SIGLEC7: variants seen among roughly 807,000 people sequenced by gnomAD.
SIGLEC7 encodes the protein sialic acid-binding Ig-like lectin 7.
SIGLEC7 carries 33 observed loss-of-function variants against 40.8 expected under a neutral mutation model. The observed-to-expected ratio is 0.81, with a 90% CI of 0.61 to 1.08. The LOEUF is 1.08. SIGLEC7 is among the 50% of genes least tolerant of loss of function. SIGLEC7 has a pLI of 0.00. For missense variants in SIGLEC7, 513 were observed against 576.1 expected (o/e 0.89, Z 1.12); for synonymous variants, 242 against 237.6 (o/e 1.02, Z -0.17).
intron 6 of SIGLEC7, 196 bp from the exon 7 acceptor site, chr19:51,152,867 G>T: frequency 2.3e-6 from 1 of 428,280 alleles, no homozygotes; most frequent in Non-Finnish European, 4.1e-6. Context: ...CTCAATAAGT[G>T]TTAAATATTG....
chr19:51,150,362 C>A (rs778391281), intron 6 of SIGLEC7, among the ~76,000 whole-genome samples: 1 of 152,260 alleles, frequency 6.6e-6, no homozygotes, highest in Non-Finnish European at 1.5e-5. Flanking sequence ...CGAAGCGATG[C>A]TGAATTTTAT....
rs1438818828 is a variant in SIGLEC7, at chr19:51,144,638, T to C, written c.666T>C (p.Pro222=). The C allele has an allele frequency of 7.4e-6, 12 of 1,613,830 alleles. No individual in the cohort carries two copies. Among genetic ancestry groups the C allele is most frequent in the African/African-American group, 1.3e-5 (1 of 75,010 alleles). The change falls in exon 2 of 7, where the codon CCT becomes CCC. Residue 222 remains proline (P), a synonymous_variant. Transcript: ENST00000317643. ...GTSLTCQVTL[P]GAGVTTNRTI... ...GCCTCACCTGTCAGGTGACCTTGCC[T>C]GGGGCCGGCGTGACCACGAACAGGA...
At chr19:51,146,361 G>C (rs1433397458) in intron 4 of SIGLEC7, among the ~76,000 whole-genome samples, 4 of 152,114 alleles carry the variant, frequency 2.6e-5, no homozygotes, top group Non-Finnish European at 1.5e-5. Context: ...GTGTGTTTGG[G>C]GAGACACGTG....
intron 2 of SIGLEC7, 84 bp downstream of exon 2, chr19:51,144,768 G>T: frequency 1.3e-6 from 2 of 1,581,500 alleles, no homozygotes; most frequent in South Asian, 2.3e-5. Context: ...GCTCGACACT[G>T]GGTGCTGGGT....
At chr19:51,148,363 A>C (rs2092122963) in intron 6 of SIGLEC7, among the ~76,000 whole-genome samples, 1 of 151,910 alleles carries the variant, frequency 6.6e-6, no homozygotes, top group South Asian at 2.1e-4. Context: ...AGTGGGCCCC[A>C]GTGTCTGTTG....
Sources: allele counts gnomAD v4.1 joint callset (sites outside exome capture counted in the v4.1 genomes callset), GRCh38; gene constraint gnomAD v4.1.1; transcripts MANE v1.5; gene names NCBI Gene and HGNC (gene_info 2026-07-23, HGNC 2026-07-21).